The following SSBP3 variants were observed in gnomAD, a reference collection of about 807,000 sequenced individuals.
The protein encoded by SSBP3 is single stranded DNA binding protein 3, also known as single-stranded DNA-binding protein 3.
Under a neutral mutation model 69.6 loss-of-function variants are expected in SSBP3, and 5 were observed. The ratio of observed to expected loss-of-function variants is 0.07; its 90% CI spans 0.04 to 0.15. The LOEUF (loss-of-function observed/expected upper bound fraction) is 0.15. Among genes scored for constraint, SSBP3 ranks in the 10% least tolerant of loss-of-function variants. SSBP3 has a pLI of 1.00. For missense variants in SSBP3, 312 were observed against 534.0 expected (o/e 0.58, Z 4.10); for synonymous variants, 196 against 193.4 (o/e 1.01, Z -0.11).
chr1:54,342,786 T>C (rs2100532637), intron 4 of SSBP3, among the ~76,000 whole-genome samples: 1 of 152,308 alleles, frequency 6.6e-6, no homozygotes, highest in South Asian at 2.1e-4. Flanking sequence ...GAAAGGCACC[T>C]GGCACACCCT....
intron 9 of SSBP3, 57 bp from the exon 10 acceptor site, chr1:54,243,356 G>A (rs1489942002): frequency 8.8e-6 from 14 of 1,595,716 alleles, no homozygotes; most frequent in South Asian, 6.6e-5. Context: ...GACAGGAGGA[G>A]GGAGGAGAAA....
intron 4 of SSBP3, among the ~76,000 whole-genome samples, chr1:54,348,771 C>T (rs773776786): frequency 2.0e-5 from 3 of 152,220 alleles, no homozygotes; most frequent in Non-Finnish European, 4.4e-5. Flanking sequence ...CAGATGGAGG[C>T]ACCAATGTGC....
chr1:54,298,523 G>T (rs914419086), intron 4 of SSBP3, among the ~76,000 whole-genome samples: 1 of 152,190 alleles, frequency 6.6e-6, no homozygotes, highest in Non-Finnish European at 1.5e-5. Context: ...AGGCCACCCG[G>T]CTCCAGGAGA....
intron 4 of SSBP3, among the ~76,000 whole-genome samples, chr1:54,362,592 C>T (rs571327191): frequency 3.9e-5 from 6 of 152,310 alleles, no homozygotes; most frequent in Non-Finnish European, 7.4e-5. Context: ...CCTACATAGG[C>T]GCAAGATATT....
chr1:54,398,317 C>G (rs567977331), intron 4 of SSBP3, among the ~76,000 whole-genome samples: 1 of 152,364 alleles, frequency 6.6e-6, no homozygotes, highest in East Asian at 1.9e-4. Flanking sequence ...GTGTAAGAAT[C>G]CATTGCTATT....
chr1:54,338,503 C>A (rs567442492), intron 4 of SSBP3, among the ~76,000 whole-genome samples: 5 of 152,324 alleles, frequency 3.3e-5, no homozygotes, highest in South Asian at 2.1e-4. Context: ...TTTCTCCACC[C>A]GCTAGAAGCA....
At chr1:54,243,881 A>G (rs956507928) in intron 9 of SSBP3, among the ~76,000 whole-genome samples, 1 of 152,218 alleles carries the variant, frequency 6.6e-6, no homozygotes, top group African/African-American at 2.4e-5. Flanking sequence ...GAAGCCGGAG[A>G]AAACTCCATT....
intron 4 of SSBP3, among the ~76,000 whole-genome samples, chr1:54,331,023 C>G (rs537224253): frequency 6.6e-6 from 1 of 152,350 alleles, no homozygotes; most frequent in East Asian, 1.9e-4. Context: ...AATACATCAA[C>G]ATCCATCATT....
At chr1:54,342,185 G>A (rs1646620874) in intron 4 of SSBP3, among the ~76,000 whole-genome samples, 1 of 152,238 alleles carries the variant, frequency 6.6e-6, no homozygotes, top group Non-Finnish European at 1.5e-5. Flanking sequence ...CAGGCATCCA[G>A]GTCTGGAACT....
chr1:54,357,478 A>G (rs1569922577), intron 4 of SSBP3, among the ~76,000 whole-genome samples: 1 of 152,100 alleles, frequency 6.6e-6, no homozygotes, highest in East Asian at 1.9e-4. Context: ...TTGTGAAGAA[A>G]AGAGAGAAAA....
At chr1:54,348,266 G>A (rs1313230255) in intron 4 of SSBP3, among the ~76,000 whole-genome samples, 1 of 127,984 alleles carries the variant, frequency 7.8e-6, no homozygotes, top group African/African-American at 2.9e-5. Context: ...GGGGGCGGGT[G>A]AGGACAGGTG....
chr1:54,235,564 T>C (rs929509872), intron 14 of SSBP3, among the ~76,000 whole-genome samples: 1 of 150,208 alleles, frequency 6.7e-6, no homozygotes, highest in Non-Finnish European at 1.5e-5. Flanking sequence ...CAAGCAATTC[T>C]GCCTCAGCCT....
At chr1:54,404,534 C>G in intron 3 of SSBP3, 42 bp downstream of exon 3, 1 of 1,610,296 alleles carries the variant, frequency 6.2e-7, no homozygotes, top group Non-Finnish European at 8.5e-7. Context: ...CCAGGGCTCA[C>G]AACAAAACAA....
intron 4 of SSBP3, among the ~76,000 whole-genome samples, chr1:54,373,312 C>G (rs981757666): frequency 5.9e-5 from 9 of 152,170 alleles, no homozygotes; most frequent in African/African-American, 2.2e-4. Flanking sequence ...GCGGCCTCTT[C>G]CCTGTCTGGG....
intron 7 of SSBP3, among the ~76,000 whole-genome samples, chr1:54,255,289 C>A (rs1279850332): frequency 6.6e-6 from 1 of 152,128 alleles, no homozygotes; most frequent in African/African-American, 2.4e-5. Context: ...TATACACACC[C>A]CTCTCCATAT....
intron 4 of SSBP3, among the ~76,000 whole-genome samples, chr1:54,396,375 TC>T (rs1648889251): frequency 6.6e-6 from 1 of 152,110 alleles, no homozygotes. Context: ...GATTAATTTT[TC>T]TAAATACTCT....
At chr1:54,314,010 C>T (rs796391418) in intron 4 of SSBP3, among the ~76,000 whole-genome samples, 14 of 152,278 alleles carry the variant, frequency 9.2e-5, no homozygotes, top group African/African-American at 2.6e-4. Flanking sequence ...GTGATCCACC[C>T]GCCTCGGCCT....
At chr1:54,244,185 C>T (rs144800831) in intron 9 of SSBP3, among the ~76,000 whole-genome samples, 1 of 152,196 alleles carries the variant, frequency 6.6e-6, no homozygotes, top group East Asian at 1.9e-4. Flanking sequence ...TTCACTGCAA[C>T]CTCCACCTCC....
At chr1:54,341,767 C>G (rs1356122837) in intron 4 of SSBP3, among the ~76,000 whole-genome samples, 1 of 151,282 alleles carries the variant, frequency 6.6e-6, no homozygotes, top group East Asian at 1.9e-4. Context: ...GAGGCCTGAC[C>G]CAGCCAGCGG....
Sources: gnomAD v4.1 joint callset for allele counts (sites outside exome capture counted in the v4.1 genomes callset) on GRCh38, gnomAD v4.1.1 for gene constraint, MANE v1.5 for transcripts, NCBI Gene and HGNC (gene_info 2026-07-23, HGNC 2026-07-21) for gene names.